The following MRO variants were observed in gnomAD, a reference collection of about 807,000 sequenced individuals.
MRO encodes the protein protein maestro.
A neutral mutation model predicts 31.0 loss-of-function variants in MRO; 28 were observed. The observed-to-expected ratio is 0.90, with a 90% CI of 0.67 to 1.24. MRO has a LOEUF of 1.24. MRO is among the 50% of genes most tolerant of loss of function. The pLI, the probability that MRO is intolerant of heterozygous loss-of-function variation, is 0.00. For missense variants in MRO, 332 were observed against 289.2 expected (o/e 1.15, Z -1.07); for synonymous variants, 108 against 108.4 (o/e 1.00, Z 0.02).
intron 4 of MRO, among the ~76,000 whole-genome samples, 175 bp downstream of exon 4, chr18:50,806,529 G>A (rs1014130415): frequency 2.6e-5 from 4 of 152,138 alleles, no homozygotes; most frequent in African/African-American, 4.8e-5. Flanking sequence ...CTCCTGACCC[G>A]CGAAAACCCG....
intron 5 of MRO, among the ~76,000 whole-genome samples, chr18:50,802,154 C>T (rs1023431589): frequency 6.6e-6 from 1 of 151,970 alleles, no homozygotes; most frequent in African/African-American, 2.4e-5. Flanking sequence ...CTTTTCTGCA[C>T]CAAAATTCAT....
At chr18:50,801,616 C>T in intron 5 of MRO, 112 bp from the exon 6 acceptor site, 1 of 1,026,990 alleles carries the variant, frequency 9.7e-7, no homozygotes, top group East Asian at 2.4e-5. Context: ...TCAATCAGAA[C>T]ACATCACAGC....
intron 5 of MRO, among the ~76,000 whole-genome samples, chr18:50,802,922 T>TA (rs1307908148): frequency 6.6e-5 from 10 of 150,738 alleles, no homozygotes; most frequent in South Asian, 2.1e-4. Context: ...GTGTAGTGTG[T>TA]GTGTGTGTGT....
upstream of MRO, among the ~76,000 whole-genome samples, chr18:50,820,656 A>G (rs991107155): frequency 6.6e-6 from 1 of 152,246 alleles, no homozygotes; most frequent in Non-Finnish European, 1.5e-5. Flanking sequence ...ATCAAACCAA[A>G]GGTTAATACT....
At chr18:50,816,473 A>G (rs1431907902) in intron 2 of MRO, among the ~76,000 whole-genome samples, 2 of 152,238 alleles carry the variant, frequency 1.3e-5, no homozygotes. Context: ...CTGAACAGAC[A>G]CTTTAACAGA....
Position 50,805,293 on chromosome 18 carries a change from C to T in MRO, c.290G>A (p.Gly97Glu), listed in dbSNP as rs200448559. ...TTCCAAATTCACAGGGTCATACAGTCCATACACCAGCAGGTCGAGGACAAT... is the reference window on the plus strand; with the variant it reads ...TTCCAAATTCACAGGGTCATACAGTTCATACACCAGCAGGTCGAGGACAAT... ...KKIVLDLLVY[G>E]LYDPVNLEVI... The change falls in exon 5 of 8, where the codon GGA becomes GAA. Residue 97 changes from glycine (G) to glutamate (E), a missense_variant. Gly to Glu is a moderately conservative substitution (Grantham distance 98). Transcript: ENST00000398439. The T allele has an allele frequency of 1.9e-4, 300 of 1,613,866 alleles. 2 individuals are homozygous for T. The highest frequency in any genetic ancestry group is 1.1e-5 in the South Asian group (1 of 91,006).
At position 50,800,032 on chromosome 18, in the gene MRO, T is replaced by G. The variant is rs768422764; in HGVS notation, c.693+4A>C. On this transcript the variant is annotated splice_donor_region_variant and intron_variant, in intron 7 of 7. Coordinates refer to ENST00000398439, the MANE Select transcript of MRO (RefSeq NM_031939.6). ...AGAATTCTCTCCTACCCTGGCTCAC[T>G]CACCAGCTGCTGGTAGAGCTTAGTG... The G allele has an allele frequency of 6.2e-7, 1 of 1,607,166 alleles. No homozygotes were observed. The highest frequency in any genetic ancestry group is 8.5e-7 in the Non-Finnish European group (1 of 1,173,998).
rs189127551 is a variant in MRO, at chr18:50,806,048, C to T, written c.246+656G>A. Among the ~76,000 whole-genome samples, 62 of 152,074 alleles carry T rather than the reference C, an allele frequency of 4.1e-4. No homozygotes were observed. The East Asian group carries it at 0.011, about 27-fold the overall frequency. ...GATCTCTGCTCAAGCCTCAGCCTCC[C>T]GAGTAGCTGAGATTGCAGGCACATG... On this transcript the variant is annotated intron_variant, in intron 4 of 7. Coordinates refer to ENST00000398439, the MANE Select transcript of MRO (RefSeq NM_031939.6).
rs770067007 is a variant in MRO at position 50,809,284 on chromosome 18, T to C, written c.99+18A>G. On this transcript the variant is annotated intron_variant, in intron 3 of 7. Transcript: ENST00000398439. ...GCTGCTGGGAGGAGAAATTTGTTCA[T>C]AATATTTTGTGTCAGACCTTGGAAA... is the stretch of plus-strand genomic sequence containing the variant. 3 of 1,592,708 alleles carry C rather than the reference T, an allele frequency of 1.9e-6. No individual in the cohort carries two copies. Among genetic ancestry groups the C allele is most frequent in the Non-Finnish European group, 2.6e-6 (3 of 1,163,034 alleles).
intron 5 of MRO, among the ~76,000 whole-genome samples, 192 bp from the exon 6 acceptor site, chr18:50,801,696 G>A (rs147533256): frequency 6.6e-6 from 1 of 152,218 alleles, no homozygotes; most frequent in Non-Finnish European, 1.5e-5. Flanking sequence ...TGGGTGGGTG[G>A]GGGTGGCTTG....
chr18:50,810,998 A>G (rs1323098848), intron 2 of MRO, among the ~76,000 whole-genome samples: 2 of 152,192 alleles, frequency 1.3e-5, no homozygotes, highest in Admixed American at 6.5e-5. Flanking sequence ...AGACTTCCCA[A>G]AGCACACTGG....
Position 50,805,200 on chromosome 18 carries a change from G to A in MRO, c.383C>T (p.Ser128Phe), listed in dbSNP as rs1220615772. ...LGKIQGKGLG[S>F]FFIDITLQTR... ...CTGAAGGGTGATATCTATGAAGAAGGAACCCAAACCTTTCCCCTGGATCTT... is the reference window on the plus strand; with the variant it reads ...CTGAAGGGTGATATCTATGAAGAAGAAACCCAAACCTTTCCCCTGGATCTT... Residue 128 changes from serine to phenylalanine, a missense_variant, in exon 5 of 8, where the codon TCC becomes TTC. By Grantham distance (155) the Ser-to-Phe change is radical (BLOSUM62 -2). Coordinates refer to ENST00000398439, the MANE Select transcript of MRO (RefSeq NM_031939.6). The A allele has an allele frequency of 6.2e-7, 1 of 1,613,714 alleles. No individual in the cohort carries two copies.
At chr18:50,810,476 G>T (rs1700099531) in intron 2 of MRO, among the ~76,000 whole-genome samples, 2 of 152,208 alleles carry the variant, frequency 1.3e-5, no homozygotes, top group Non-Finnish European at 2.9e-5. Flanking sequence ...ATATGCATAG[G>T]AGAAGGAAAA....
chr18:50,818,843 A>G (rs1024300007), intron 2 of MRO, among the ~76,000 whole-genome samples: 14 of 152,142 alleles, frequency 9.2e-5, no homozygotes, highest in African/African-American at 2.4e-4. Flanking sequence ...GCTTGAGGTC[A>G]GGAGATCAAG....
rs548171926 is a variant in MRO at position 50,796,966 on chromosome 18, G to C, written c.*2371C>G. The C allele has an allele frequency of 6.6e-6, 1 of 152,180 alleles. No homozygotes were observed. Among genetic ancestry groups the C allele is most frequent in the African/African-American group, 2.4e-5 (1 of 41,444 alleles). 9.4% of individuals were successfully genotyped at this position (152,180 alleles called of 1,614,324 possible). ...TCTGGAAATAGAATTTAAACTCAAA[G>C]AGGACTTATGAAGAGCAAAACAAAA... is the stretch of plus-strand genomic sequence containing the variant. On this transcript the variant is annotated 3_prime_UTR_variant, in exon 8 of 8. Coordinates refer to ENST00000398439, the MANE Select transcript of MRO (RefSeq NM_031939.6).
At chr18:50,819,493 G>C (rs1031467097) in intron 2 of MRO, 88 bp downstream of exon 2, 28 of 1,515,358 alleles carry the variant, frequency 1.8e-5, no homozygotes, top group Non-Finnish European at 2.1e-5. Context: ...GGTGACCAGA[G>C]TGACATTCCA....
At chr18:50,804,782 C>T (rs1274901819) in intron 5 of MRO, among the ~76,000 whole-genome samples, 1 of 152,048 alleles carries the variant, frequency 6.6e-6, no homozygotes, top group African/African-American at 2.4e-5. Flanking sequence ...CCACCCGCAG[C>T]TCACATTTCT....
chr18:50,808,158 T>C lies in MRO; in HGVS notation c.99+1144A>G, dbSNP rs1174066834. 3.3e-5 allele frequency among the ~76,000 whole-genome samples: 5 copies of C among 152,304 alleles called. No homozygotes were observed. The East Asian group carries it at 9.7e-4, about 29-fold the overall frequency. On this transcript the variant is annotated intron_variant, in intron 3 of 7. Coordinates refer to ENST00000398439, the MANE Select transcript of MRO (RefSeq NM_031939.6). ...GCAGGGCCAGGGATGGGGCAAGAGA[T>C]AGGCTAGTCTCTGAGCCTTTGTGGC...
At chr18:50,808,696 C>A (rs1294218702) in intron 3 of MRO, among the ~76,000 whole-genome samples, 1 of 151,548 alleles carries the variant, frequency 6.6e-6, no homozygotes, top group African/African-American at 2.4e-5. Flanking sequence ...CTCAAGTGAT[C>A]CGCCTGCCTC....
Sources: allele counts gnomAD v4.1 joint callset (sites outside exome capture counted in the v4.1 genomes callset), GRCh38; gene constraint gnomAD v4.1.1; transcripts MANE v1.5; gene names NCBI Gene and HGNC (gene_info 2026-07-23, HGNC 2026-07-21).